Variants in C1QTNF7 observed in about 807,000 individuals in gnomAD.
C1QTNF7 encodes complement C1q tumor necrosis factor-related protein 7.
A neutral mutation model predicts 19.6 loss-of-function variants in C1QTNF7; 15 were observed. The observed-to-expected ratio is 0.76, with a 90% CI of 0.51 to 1.18. The LOEUF (loss-of-function observed/expected upper bound fraction) is 1.18. Among genes scored for constraint, C1QTNF7 ranks in the 50% most tolerant of loss-of-function variants. C1QTNF7 has a pLI of 0.00. For synonymous variants in C1QTNF7, 142 were observed against 137.5 expected, an observed-to-expected ratio of 1.03 and a Z score of -0.23; for missense variants, 324 against 359.7, an observed-to-expected ratio of 0.90 and a Z score of 0.80.
intron 1 of C1QTNF7, among the ~76,000 whole-genome samples, chr4:15,346,983 A>C (rs1716741126): frequency 6.6e-6 from 1 of 152,190 alleles, no homozygotes; most frequent in African/African-American, 2.4e-5. Flanking sequence ...CTTTATGTGA[A>C]TGATGTTGAA....
intron 1 of C1QTNF7, among the ~76,000 whole-genome samples, chr4:15,360,951 T>C (rs528525178): frequency 8.5e-5 from 13 of 152,320 alleles, no homozygotes; most frequent in African/African-American, 2.9e-4. Context: ...CTAACACCTA[T>C]AAGAGGACAC....
chr4:15,340,315 A>G, intron 1 of C1QTNF7: 1 of 1,323,696 alleles, frequency 7.6e-7, no homozygotes, highest in Non-Finnish European at 1.1e-6. Context: ...GAAATGGGGG[A>G]ACTTGTAAAA....
intron 1 of C1QTNF7, among the ~76,000 whole-genome samples, chr4:15,355,018 C>G (rs1717083812): frequency 6.6e-6 from 1 of 152,098 alleles, no homozygotes; most frequent in African/African-American, 2.4e-5. Flanking sequence ...TGCTGTTTAC[C>G]AGTTGTAAAA....
At chr4:15,346,899 A>G (rs1281715836) in intron 1 of C1QTNF7, among the ~76,000 whole-genome samples, 1 of 152,120 alleles carries the variant, frequency 6.6e-6, no homozygotes, top group African/African-American at 2.4e-5. Flanking sequence ...CACGCAGTGA[A>G]CTCTTCACTG....
intron 1 of C1QTNF7, among the ~76,000 whole-genome samples, chr4:15,384,638 A>G (rs956117380): frequency 2.1e-4 from 32 of 152,362 alleles, no homozygotes; most frequent in African/African-American, 7.7e-4. Flanking sequence ...AAATGGTTCA[A>G]GACATGACAA....
upstream of C1QTNF7, among the ~76,000 whole-genome samples, chr4:15,423,039 A>G (rs1213431356): frequency 6.6e-6 from 1 of 152,238 alleles, no homozygotes; most frequent in Non-Finnish European, 1.5e-5. Flanking sequence ...ATGGATATTT[A>G]TGTAGATTAA....
chr4:15,381,713 A>G (rs1718150539), intron 1 of C1QTNF7: 1 of 152,248 alleles, frequency 6.6e-6, no homozygotes, highest in South Asian at 2.1e-4. Flanking sequence ...TGAACTAGAC[A>G]TTCAGGAAAT....
intron 2 of C1QTNF7, 133 bp from the exon 3 acceptor site, chr4:15,442,035 T>G (rs1712779970): frequency 7.7e-6 from 7 of 906,412 alleles, no homozygotes; most frequent in South Asian, 2.4e-5. Flanking sequence ...AAAAAAAAGT[T>G]TATTATTTAG....
At chr4:15,426,971 T>C (rs1428553437), upstream of C1QTNF7, among the ~76,000 whole-genome samples, 1 of 152,236 alleles carries the variant, frequency 6.6e-6, no homozygotes, top group Non-Finnish European at 1.5e-5. Context: ...AATCTGACTC[T>C]AATTTAGCAA....
intron 1 of C1QTNF7, among the ~76,000 whole-genome samples, chr4:15,375,739 T>C (rs1376728821): frequency 1.3e-5 from 2 of 152,192 alleles, no homozygotes; most frequent in Non-Finnish European, 2.9e-5. Context: ...TTTGTTCTGA[T>C]TCATGATTTC....
intron 1 of C1QTNF7, among the ~76,000 whole-genome samples, chr4:15,428,618 GAGA>G (rs1369138500): frequency 7.2e-5 from 11 of 152,152 alleles, no homozygotes; most frequent in Admixed American, 7.2e-4. Context: ...GTGCCAGGAG[GAGA>G]AGGAGGTTAA....
At chr4:15,359,384 T>C (rs1039433287) in intron 1 of C1QTNF7, among the ~76,000 whole-genome samples, 1 of 152,084 alleles carries the variant, frequency 6.6e-6, no homozygotes, top group Non-Finnish European at 1.5e-5. Context: ...AGGGGTAAAA[T>C]TGGAGGTGGA....
At chr4:15,424,239 G>T (rs1169636854), upstream of C1QTNF7, among the ~76,000 whole-genome samples, 1 of 152,074 alleles carries the variant, frequency 6.6e-6, no homozygotes, top group African/African-American at 2.4e-5. Context: ...CCATCTCCAT[G>T]GCTGTAGTTC....
chr4:15,424,854 T>G (rs1203202607), upstream of C1QTNF7, among the ~76,000 whole-genome samples: 2 of 152,192 alleles, frequency 1.3e-5, no homozygotes, highest in Non-Finnish European at 2.9e-5. Flanking sequence ...TTCTCTGCTT[T>G]GTGTTCTCAG....
intron 1 of C1QTNF7, among the ~76,000 whole-genome samples, chr4:15,428,426 G>A: frequency 6.6e-6 from 1 of 152,082 alleles, no homozygotes; most frequent in Non-Finnish European, 1.5e-5. Flanking sequence ...CCATAAAGTA[G>A]TCAAAACTTT....
At chr4:15,384,801 T>A (rs1718271175) in intron 1 of C1QTNF7, among the ~76,000 whole-genome samples, 1 of 152,062 alleles carries the variant, frequency 6.6e-6, no homozygotes, top group African/African-American at 2.4e-5. Flanking sequence ...ATCATAAGGG[T>A]TGGTTTGGGG....
intron 1 of C1QTNF7, among the ~76,000 whole-genome samples, chr4:15,397,579 C>T (rs773703366): frequency 2.6e-5 from 4 of 152,248 alleles, no homozygotes; most frequent in Non-Finnish European, 4.4e-5. Context: ...GAGCTTACAG[C>T]TCCGTGTCAC....
At chr4:15,356,424 T>G (rs1482539219) in intron 1 of C1QTNF7, among the ~76,000 whole-genome samples, 1 of 152,234 alleles carries the variant, frequency 6.6e-6, no homozygotes, top group Non-Finnish European at 1.5e-5. Context: ...GCAAAGGACA[T>G]GAACTCACCC....
intron 1 of C1QTNF7, among the ~76,000 whole-genome samples, chr4:15,396,638 A>T (rs1258123268): frequency 1.3e-5 from 2 of 152,100 alleles, no homozygotes; most frequent in Non-Finnish European, 2.9e-5. Context: ...GCTAAAAAAA[A>T]GGTGTGTTAT....
Sources: allele counts gnomAD v4.1 joint callset (sites outside exome capture counted in the v4.1 genomes callset), GRCh38; gene constraint gnomAD v4.1.1; transcripts MANE v1.5; gene names NCBI Gene and HGNC (gene_info 2026-07-23, HGNC 2026-07-21).